The following METTL15 variants were observed in gnomAD, a reference collection of about 807,000 sequenced individuals.
METTL15 encodes the protein methyltransferase 15, mitochondrial 12S rRNA N4-cytidine.
A neutral mutation model predicts 38.3 loss-of-function variants in METTL15; 34 were observed. The ratio of observed to expected loss-of-function variants is 0.89; its 90% CI spans 0.68 to 1.18. The LOEUF (loss-of-function observed/expected upper bound fraction) is 1.18, where lower values mean the gene tolerates loss of function less well. Among genes scored for constraint, METTL15 ranks in the 50% most tolerant of loss-of-function variants. METTL15 has a pLI of 0.00. For missense variants in METTL15, 438 were observed against 498.4 expected (o/e 0.88, Z 1.15); for synonymous variants, 162 against 170.9 (o/e 0.95, Z 0.41).
At position 28,475,314 on chromosome 11, in the gene METTL15, A is replaced by G. The variant is rs180790654; in HGVS notation, c.*424+50950A>G. On this transcript the variant is annotated intron_variant and NMD_transcript_variant, in intron 6 of 7. Coordinates refer to the METTL15 transcript ENST00000532947. The stretch of plus-strand genomic sequence containing the variant: ...TGAAAATTGCATGATCCTCTTCACC[A>G]GCTTGGTGGTGTGAAGTCACTTCTT... Among the ~76,000 whole-genome samples, 42 of 152,324 alleles carry G rather than the reference A, an allele frequency of 2.8e-4. No individual in the cohort carries two copies. In the East Asian group the frequency reaches 7.5e-3, roughly 27 times the overall value.
intron 5 of METTL15, chr11:28,410,609 G>A (rs2133412317): frequency 6.6e-6 from 1 of 152,154 alleles, no homozygotes; most frequent in East Asian, 1.9e-4. Context: ...TTTAGGTATA[G>A]AAGGAATATT....
chr11:28,198,310 A>G (rs754634967), intron 3 of METTL15, among the ~76,000 whole-genome samples: 2 of 152,098 alleles, frequency 1.3e-5, no homozygotes, highest in African/African-American at 2.4e-5. Flanking sequence ...AATACATCCT[A>G]TGTTACACAT....
At chr11:28,287,288 G>A (rs553634426) in intron 4 of METTL15, 77 of 205,502 alleles carry the variant, frequency 3.7e-4, no homozygotes, top group African/African-American at 1.8e-3. Context: ...TTGCATCTTC[G>A]TGGTCCATGA....
chr11:28,412,185 G>T (rs1450516045), intron 5 of METTL15, among the ~76,000 whole-genome samples: 1 of 151,900 alleles, frequency 6.6e-6, no homozygotes, highest in African/African-American at 2.4e-5. Flanking sequence ...ACTGTAGGGA[G>T]TTTTCCAGAG....
intron 5 of METTL15, among the ~76,000 whole-genome samples, chr11:28,381,157 G>C (rs1186320711): frequency 6.6e-6 from 1 of 151,916 alleles, no homozygotes. Context: ...CATGTGCTTG[G>C]CTAATTTTTA....
chr11:28,501,229 A>C (rs1851580474), intron 6 of METTL15, among the ~76,000 whole-genome samples: 1 of 152,192 alleles, frequency 6.6e-6, no homozygotes, highest in South Asian at 2.1e-4. Context: ...TTTAGAATTG[A>C]ATATCAGAGA....
At chr11:28,283,886 A>C (rs1038887285) in intron 4 of METTL15, among the ~76,000 whole-genome samples, 2 of 152,202 alleles carry the variant, frequency 1.3e-5, no homozygotes, top group Admixed American at 1.3e-4. Context: ...ACATGCAAAA[A>C]TACTGAAAAT....
intron 3 of METTL15, chr11:28,163,636 T>G (rs545257935): frequency 2.5e-6 from 1 of 393,656 alleles, no homozygotes; most frequent in Admixed American, 4.4e-5. Flanking sequence ...TAATGTTATC[T>G]ATTTAATTTT....
intron 5 of METTL15, among the ~76,000 whole-genome samples, chr11:28,293,316 C>T (rs1455130370): frequency 6.6e-6 from 1 of 152,158 alleles, no homozygotes; most frequent in African/African-American, 2.4e-5. Flanking sequence ...ACAGGGAATC[C>T]TTTCCCCATT....
chr11:28,473,781 C>T (rs1196144475), intron 6 of METTL15, among the ~76,000 whole-genome samples: 1 of 152,224 alleles, frequency 6.6e-6, no homozygotes, highest in Middle Eastern at 3.4e-3. Context: ...GACCCTCACA[C>T]TCATCTAATG....
At chr11:28,309,788 T>C (rs903086070) in intron 6 of METTL15, among the ~76,000 whole-genome samples, 3 of 152,192 alleles carry the variant, frequency 2.0e-5, no homozygotes, top group Admixed American at 6.5e-5. Flanking sequence ...TTCAGAGATA[T>C]CCCTGGGTCA....
At chr11:28,241,983 A>G (rs1259332310) in intron 4 of METTL15, among the ~76,000 whole-genome samples, 4 of 152,216 alleles carry the variant, frequency 2.6e-5, no homozygotes, top group Non-Finnish European at 5.9e-5. Context: ...ATTGTCTGAC[A>G]TGTTTTAAAA....
At chr11:28,281,307 T>G (rs1382951890) in intron 4 of METTL15, among the ~76,000 whole-genome samples, 1 of 152,192 alleles carries the variant, frequency 6.6e-6, no homozygotes, top group East Asian at 1.9e-4. Flanking sequence ...TCTGGGGCTA[T>G]TTCCTGGTCA....
rs571457775 is a variant in METTL15, at chr11:28,290,716, C to T, written c.599+319C>T. ...AGTAAATATCATGATACTGCAACAA[C>T]GATTTCATTTTTTTGCATGCCCAAC... On this transcript the variant is annotated intron_variant, in intron 5 of 6. Coordinates refer to ENST00000407364, the MANE Select transcript of METTL15 (RefSeq NM_001113528.2). 2.0e-3 allele frequency among the ~76,000 whole-genome samples: 303 copies of T among 151,770 alleles called. 1 individual carries two copies. The highest frequency in any genetic ancestry group is 6.0e-3 in the African/African-American group (248 of 41,388).
At chr11:28,246,205 A>G (rs901611535) in intron 4 of METTL15, among the ~76,000 whole-genome samples, 3 of 152,180 alleles carry the variant, frequency 2.0e-5, no homozygotes, top group Non-Finnish European at 4.4e-5. Context: ...TGTTCCTAGC[A>G]TAAAGAAAAT....
At chr11:28,158,133 T>A (rs1850327857) in intron 3 of METTL15, among the ~76,000 whole-genome samples, 1 of 152,128 alleles carries the variant, frequency 6.6e-6, no homozygotes, top group East Asian at 1.9e-4. Flanking sequence ...ATTGGAAAAT[T>A]GGTGATGAAG....
intron 4 of METTL15, among the ~76,000 whole-genome samples, chr11:28,259,155 C>T (rs189720229): frequency 3.3e-5 from 5 of 152,056 alleles, no homozygotes; most frequent in South Asian, 4.1e-4. Context: ...TGGCTTACAC[C>T]GTGTCTAGAA....
intron 6 of METTL15, among the ~76,000 whole-genome samples, chr11:28,425,702 G>A (rs1041659379): frequency 3.3e-5 from 5 of 152,076 alleles, no homozygotes; most frequent in African/African-American, 9.7e-5. Context: ...TTAATGCATC[G>A]TATATGCATT....
At chr11:28,240,902 T>C (rs1028309616) in intron 4 of METTL15, among the ~76,000 whole-genome samples, 1 of 152,154 alleles carries the variant, frequency 6.6e-6, no homozygotes, top group African/African-American at 2.4e-5. Context: ...TTTCAAACTT[T>C]TTTTAAAAAG....
Sources: allele counts gnomAD v4.1 joint callset (sites outside exome capture counted in the v4.1 genomes callset), GRCh38; gene constraint gnomAD v4.1.1; transcripts MANE v1.5; gene names NCBI Gene and HGNC (gene_info 2026-07-23, HGNC 2026-07-21).